SNRNP27: variants seen among roughly 807,000 people sequenced by gnomAD.
SNRNP27 encodes small nuclear ribonucleoprotein U4/U6.U5 subunit 27.
SNRNP27 carries 22 observed loss-of-function variants against 25.1 expected under a neutral mutation model. That is an observed-to-expected ratio of 0.88 (90% CI 0.63 to 1.25). The LOEUF is 1.25. SNRNP27 is among the 50% of genes most tolerant of loss of function. The pLI is 0.00. For synonymous variants in SNRNP27, 66 were observed against 64.9 expected, an observed-to-expected ratio of 1.02 and a Z score of -0.08; for missense variants, 150 against 202.3, an observed-to-expected ratio of 0.74 and a Z score of 1.57.
intron 4 of SNRNP27, among the ~76,000 whole-genome samples, chr2:69,902,180 T>C (rs984114918): frequency 2.1e-5 from 3 of 145,218 alleles, no homozygotes; most frequent in African/African-American, 8.1e-5. Context: ...CTCTGCCTCA[T>C]TGGACTCTCC....
chr2:69,894,688 A>G (rs1676568448), intron 1 of SNRNP27, among the ~76,000 whole-genome samples: 1 of 151,278 alleles, frequency 6.6e-6, no homozygotes, highest in South Asian at 2.1e-4. Flanking sequence ...CAATTTATTT[A>G]TTTTTAATGA....
At chr2:69,894,364 C>G (rs1676563424) in intron 1 of SNRNP27, among the ~76,000 whole-genome samples, 4 of 152,158 alleles carry the variant, frequency 2.6e-5, no homozygotes. Context: ...CTTTCTGAAT[C>G]GAATTCCCAG....
chr2:69,899,575 G>A (rs1479943412), intron 4 of SNRNP27, among the ~76,000 whole-genome samples: 1 of 151,884 alleles, frequency 6.6e-6, no homozygotes, highest in Non-Finnish European at 1.5e-5. Context: ...GATTACAGGC[G>A]CCTGCCACCA....
At chr2:69,895,261 A>G (rs1048683547) in intron 2 of SNRNP27, 47 bp downstream of exon 2, 1 of 1,601,368 alleles carries the variant, frequency 6.2e-7, no homozygotes, top group African/African-American at 1.4e-5. Flanking sequence ...GAAAGTCCCT[A>G]AGAAACTGGT....
intron 4 of SNRNP27, among the ~76,000 whole-genome samples, chr2:69,902,702 CT>C (rs1400198018): frequency 6.6e-6 from 1 of 152,056 alleles, no homozygotes; most frequent in African/African-American, 2.4e-5. Flanking sequence ...CTTGCTTCTT[CT>C]TCTGCTTCTG....
In SNRNP27 at chr2:69,904,631, G is replaced by T; in HGVS notation, c.*323G>T. 2.2e-6 allele frequency: 1 copy of T among 464,000 alleles called. No homozygotes were observed. The highest frequency in any genetic ancestry group is 3.8e-6 in the Non-Finnish European group (1 of 266,170). The allele number at this position is 464,000 out of a possible 1,614,324, so 28.7% of individuals were successfully genotyped here. A position where few individuals can be genotyped will look rare whatever the true frequency, so the allele number is the denominator to read the frequency against. ...TCTTAAAAAACATGAAAGTAATTTG[G>T]AAGTAAGTTTATCCAATAAAGCAGT... On this transcript the variant is annotated 3_prime_UTR_variant, in exon 6 of 6. Transcript: ENST00000244227.
At chr2:69,894,199 G>T (rs1249492523) in intron 1 of SNRNP27, among the ~76,000 whole-genome samples, 181 bp downstream of exon 1, 1 of 152,146 alleles carries the variant, frequency 6.6e-6, no homozygotes, top group Admixed American at 6.5e-5. Context: ...CGCCCTCTCC[G>T]GTTTGAAGGC....
intron 4 of SNRNP27, among the ~76,000 whole-genome samples, chr2:69,901,181 A>G (rs1041505765): frequency 1.1e-4 from 16 of 150,082 alleles, no homozygotes; most frequent in Non-Finnish European, 1.2e-4. Flanking sequence ...TCAAAAAAAA[A>G]AAAGAAAGAA....
intron 1 of SNRNP27, 46 bp downstream of exon 1, chr2:69,894,064 C>T (rs1676554193): frequency 1.3e-6 from 2 of 1,548,652 alleles, no homozygotes; most frequent in South Asian, 1.1e-5. Context: ...TGTTGGAGGC[C>T]TGTCCCTTTT....
chr2:69,901,541 CA>C (rs1228146358), intron 4 of SNRNP27, among the ~76,000 whole-genome samples: 1 of 152,160 alleles, frequency 6.6e-6, no homozygotes, highest in African/African-American at 2.4e-5. Flanking sequence ...TTGGGCTGGG[CA>C]CAACGGCTCA....
At chr2:69,902,283 T>TTCCTCC (rs1367609858) in intron 4 of SNRNP27, among the ~76,000 whole-genome samples, 15 of 96,660 alleles carry the variant, frequency 1.6e-4, no homozygotes, top group African/African-American at 6.0e-4. Flanking sequence ...CTCCTCCTCC[T>TTCCTCC]TCCTCCTTCC....
In SNRNP27 at chr2:69,895,214, G is replaced by T; in HGVS notation, c.155G>T (p.Arg52Leu). 6.2e-7 allele frequency: 1 copy of T among 1,613,002 alleles called. No homozygotes were observed. The highest frequency in any genetic ancestry group is 8.5e-7 in the Non-Finnish European group (1 of 1,179,682). The change falls in exon 2 of 6, where the codon CGA becomes CTA. Residue 52 changes from arginine to leucine, a missense_variant and splice_region_variant. Physicochemically the swap from Arg to Leu is moderately radical, Grantham distance 102. This residue lies in a region of SNRNP27 where 142 missense variants were observed against 168.6 expected (regional missense o/e 0.84). Transcript: ENST00000244227. ...CGATCCCCGCACCGAAGACGCTCCC[G>T]GTAAGGGCAGAAAATAAGCCAAGAG... ...RSRSPHRRRS[R>L]SPRRHRSTSP...
chr2:69,901,411 A>AC (rs1268832826), intron 4 of SNRNP27, among the ~76,000 whole-genome samples: 2 of 152,204 alleles, frequency 1.3e-5, no homozygotes, highest in African/African-American at 4.8e-5. Flanking sequence ...GAAGACCTGA[A>AC]CAAGAATTTG....
At chr2:69,895,756 T>TA (rs1676589309) in intron 2 of SNRNP27, among the ~76,000 whole-genome samples, 1 of 152,170 alleles carries the variant, frequency 6.6e-6, no homozygotes, top group Admixed American at 6.5e-5. Flanking sequence ...GAGACGGGGT[T>TA]TCAACGTGTT....
chr2:69,903,033 C>G, intron 4 of SNRNP27, 148 bp from the exon 5 acceptor site: 7 of 591,114 alleles, frequency 1.2e-5, no homozygotes, highest in Middle Eastern at 2.8e-4. Context: ...GTCCCAAACT[C>G]CTGGGCTCAA....
intron 3 of SNRNP27, among the ~76,000 whole-genome samples, chr2:69,897,137 G>GTT (rs11413663): frequency 1.4e-4 from 21 of 151,184 alleles, no homozygotes; most frequent in Admixed American, 1.3e-4. Flanking sequence ...TGAAACCCAG[G>GTT]TTTTTTTTTA....
intron 4 of SNRNP27, among the ~76,000 whole-genome samples, chr2:69,899,491 G>A (rs556907520): frequency 3.3e-5 from 5 of 151,968 alleles, no homozygotes; most frequent in African/African-American, 7.2e-5. Flanking sequence ...GTGCAGCGGC[G>A]CAATCTCGGC....
Position 69,904,860 on chromosome 2 carries a change from C to T in SNRNP27, c.*552C>T, listed in dbSNP as rs2104131978. 6.8e-6 allele frequency: 1 copy of T among 146,092 alleles called. No homozygotes were observed. Among genetic ancestry groups the T allele is most frequent in the Middle Eastern group, 3.6e-3 (1 of 278 alleles). The allele number at this position is 146,092 out of a possible 1,614,324, so 9.0% of individuals were successfully genotyped here. On this transcript the variant is annotated 3_prime_UTR_variant, in exon 6 of 6. Transcript: ENST00000244227. ...AAAATACCATTTATGGTTCTCTCCGCAAGTATAAAAGCATTACATGCAAAA... is the reference window on the plus strand; with the variant it reads ...AAAATACCATTTATGGTTCTCTCCGTAAGTATAAAAGCATTACATGCAAAA...
At chr2:69,903,051 T>A in intron 4 of SNRNP27, 130 bp from the exon 5 acceptor site, 1 of 581,790 alleles carries the variant, frequency 1.7e-6, no homozygotes, top group Non-Finnish European at 3.2e-6. Flanking sequence ...CAAGCAATCC[T>A]CCCACCTTAG....
Sources: gnomAD v4.1 joint callset for allele counts (sites outside exome capture counted in the v4.1 genomes callset) on GRCh38, gnomAD v4.1.1 for gene constraint, gnomAD v4.1.1 regional missense constraint, MANE v1.5 for transcripts, NCBI Gene and HGNC (gene_info 2026-07-23, HGNC 2026-07-21) for gene names.